Variants in HDAC4 observed in about 807,000 individuals in gnomAD.
The protein encoded by HDAC4 is histone deacetylase 4.
In HDAC4, 16 loss-of-function variants were observed where a neutral mutation model predicts 135.1. That is an observed-to-expected ratio of 0.12 (90% CI 0.08 to 0.18). The LOEUF (loss-of-function observed/expected upper bound fraction) is 0.18. Ranked by LOEUF, HDAC4 falls within the 10% of genes least tolerant of loss-of-function variation. HDAC4 has a pLI of 1.00. For missense variants in HDAC4, 1,143 were observed against 1,511.8 expected (o/e 0.76, Z 4.05); for synonymous variants, 685 against 653.4 (o/e 1.05, Z -0.74).
At chr2:239,276,280 G>A (rs767804671) in intron 2 of HDAC4, among the ~76,000 whole-genome samples, 11 of 152,368 alleles carry the variant, frequency 7.2e-5, no homozygotes, top group Non-Finnish European at 1.3e-4. Flanking sequence ...GTATGCCTTG[G>A]AAGTGTTGAG....
chr2:239,307,425 C>T lies in HDAC4; in HGVS notation c.22+45253G>A, dbSNP rs546133079. Reference sequence around the variant, plus strand: ...GAGAGAGGGGCTTGAAGGATGGGTACCCCAAGCTGTCAAAAGACCAAGTGG... The same window carrying T: ...GAGAGAGGGGCTTGAAGGATGGGTATCCCAAGCTGTCAAAAGACCAAGTGG... On this transcript the variant is annotated intron_variant, in intron 2 of 26. Coordinates refer to ENST00000543185, the MANE Select transcript of HDAC4 (RefSeq NM_001378414.1). The surrounding 1 kb of genome is among the most constrained non-coding windows in gnomAD (Gnocchi z 4.8). 6.6e-6 allele frequency among the ~76,000 whole-genome samples: 1 copy of T among 152,108 alleles called. No individual in the cohort carries two copies. Among genetic ancestry groups the T allele is most frequent in the Non-Finnish European group, 1.5e-5 (1 of 68,022 alleles).
At chr2:239,084,465 GCACACACA>G (rs78087978) in intron 19 of HDAC4, among the ~76,000 whole-genome samples, 4 of 107,970 alleles carry the variant, frequency 3.7e-5, no homozygotes, top group Admixed American at 9.9e-5. Flanking sequence ...GCGTGCGCGC[GCACACACA>G]CACACACACA....
chr2:239,067,128 A>C, intron 23 of HDAC4: 1 of 543,554 alleles, frequency 1.8e-6, no homozygotes, highest in East Asian at 3.3e-5. Context: ...CCCCACCCAG[A>C]GGCTGCAGGC....
Position 239,111,637 on chromosome 2 carries a change from G to A in HDAC4, c.1867C>T (p.Pro623Ser), listed in dbSNP as rs147728592. The A allele has an allele frequency of 6.2e-7, 1 of 1,608,400 alleles. No individual in the cohort carries two copies. Among genetic ancestry groups the A allele is most frequent in the South Asian group, 1.1e-5 (1 of 90,078 alleles). Residue 623 changes from proline to serine, a missense_variant, in exon 14 of 27, where the codon CCC (proline) becomes TCC (serine). Pro to Ser is a moderately conservative substitution (Grantham distance 74). Around this residue, in one of 9 missense-constraint regions of HDAC4, gnomAD observed 196 missense variants for 210.7 expected, o/e 0.93. Transcript: ENST00000543185. ...YQASMEAAGIPVSFGGHRPLS... is the reference protein window; with the variant it reads ...YQASMEAAGISVSFGGHRPLS... ...GGCCTGTGGCCGCCGAAGGACACGGGGATGCCGGCGGCCTCCATGGACGCC... is the reference window on the plus strand; with the variant it reads ...GGCCTGTGGCCGCCGAAGGACACGGAGATGCCGGCGGCCTCCATGGACGCC...
At chr2:239,125,599 G>A (rs189149570) in intron 12 of HDAC4, among the ~76,000 whole-genome samples, 31 of 152,332 alleles carry the variant, frequency 2.0e-4, no homozygotes, top group African/African-American at 7.5e-4. Context: ...GCAGAGCTGT[G>A]GGGCCATGTG....
At position 239,054,406 on chromosome 2, in the gene HDAC4, G is replaced by A. The variant is rs564177102; in HGVS notation, c.3088+343C>T. 7.2e-5 allele frequency among the ~76,000 whole-genome samples: 11 copies of A among 152,176 alleles called. No individual in the cohort carries two copies. In the East Asian group the frequency reaches 1.2e-3, roughly 16 times the overall value. ...GCTTCTCTGGTCCAGGGAAGAGGCC[G>A]GAGTCCCCAGGGTACAGGCTCACAG... On this transcript the variant is annotated intron_variant, in intron 25 of 26. Transcript: ENST00000543185.
At chr2:239,170,431 A>G (rs2043377964) in intron 5 of HDAC4, among the ~76,000 whole-genome samples, 1 of 152,260 alleles carries the variant, frequency 6.6e-6, no homozygotes, top group Admixed American at 6.5e-5. Flanking sequence ...GAAAAACTTC[A>G]AATCTAGTGC....
chr2:239,264,991 C>T (rs1482651803), intron 2 of HDAC4, among the ~76,000 whole-genome samples: 1 of 152,218 alleles, frequency 6.6e-6, no homozygotes. Flanking sequence ...TGCCCCTCCC[C>T]CTGCAGAGCA....
In HDAC4 at chr2:239,048,589, A is replaced by AT. The variant is rs2030325257; in HGVS notation, c.*4507dup. On this transcript the variant is annotated 3_prime_UTR_variant, in exon 27 of 27. Coordinates refer to ENST00000543185, the MANE Select transcript of HDAC4 (RefSeq NM_001378414.1). The stretch of plus-strand genomic sequence containing the variant: ...GATAGATAGATAGATAGATAGATAG[A>AT]TAGATTATATATGTTTGTCATTCTC... 6.6e-6 allele frequency: 1 copy of AT among 151,922 alleles called. No individual in the cohort carries two copies. The allele number at this position is 151,922 out of a possible 1,614,324, so 9.4% of individuals were successfully genotyped here.
In HDAC4 at chr2:239,303,550, C is replaced by A. The variant is rs1183625410; in HGVS notation, c.22+49128G>T. 2.0e-5 allele frequency among the ~76,000 whole-genome samples: 3 copies of A among 152,144 alleles called. No individual in the cohort carries two copies. The highest frequency in any genetic ancestry group is 7.2e-5 in the African/African-American group (3 of 41,446). ...CTGTGGCTTGTTCTCCCTTAAGAAT[C>A]CTCTCATCAATGTTACGTTGTCAGC... On this transcript the variant is annotated intron_variant, in intron 2 of 26. Coordinates refer to ENST00000543185, the MANE Select transcript of HDAC4 (RefSeq NM_001378414.1). This position sits in a 1 kb window ranked among gnomAD's most constrained non-coding sequence, Gnocchi z 5.1.
chr2:239,344,465 G>C (rs867675578), intron 2 of HDAC4, among the ~76,000 whole-genome samples: 9 of 152,022 alleles, frequency 5.9e-5, no homozygotes, highest in Admixed American at 2.0e-4. Context: ...CATTGACAGC[G>C]AATTTTCTGA....
intron 2 of HDAC4, among the ~76,000 whole-genome samples, chr2:239,295,479 T>A (rs1268386683): frequency 6.6e-6 from 1 of 151,908 alleles, no homozygotes; most frequent in East Asian, 1.9e-4. Flanking sequence ...GAACCCAGGG[T>A]GACAGGACTA....
chr2:239,338,741 G>C (rs186365177), intron 2 of HDAC4, among the ~76,000 whole-genome samples: 1 of 152,292 alleles, frequency 6.6e-6, no homozygotes, highest in African/African-American at 2.4e-5. Context: ...ATGAGATTCT[G>C]AGCTCAGTCC....
In HDAC4 at chr2:239,163,857, A is replaced by G; in HGVS notation, c.557T>C (p.Leu186Pro). Residue 186 changes from leucine (L) to proline (P), a missense_variant, in exon 6 of 27, where the codon CTG (leucine) becomes CCG (proline). Around this residue, in one of 9 missense-constraint regions of HDAC4, gnomAD observed 247 missense variants for 310.0 expected, o/e 0.80. Transcript: ENST00000543185. ...GCAGTGGTTCAGATTCCGGTGGGCC[A>G]GCGCCTTCTTTTTATTGAGGACAAA... Reference protein sequence around the residue: ...QEFVLNKKKALAHRNLNHCIS... With the variant: ...QEFVLNKKKAPAHRNLNHCIS... The G allele has an allele frequency of 1.9e-6, 3 of 1,613,792 alleles. No individual in the cohort carries two copies. The highest frequency in any genetic ancestry group is 2.5e-6 in the Non-Finnish European group (3 of 1,179,688).
intron 22 of HDAC4, among the ~76,000 whole-genome samples, chr2:239,078,822 C>A (rs3791369): frequency 0.31 from 47,215 of 152,138 alleles, 7,639 homozygotes; most frequent in Admixed American, 0.44. Flanking sequence ...GCCGAAGGCA[C>A]CACTGAGAAA....
At chr2:239,264,683 G>A (rs2049605118) in intron 2 of HDAC4, among the ~76,000 whole-genome samples, 1 of 152,182 alleles carries the variant, frequency 6.6e-6, no homozygotes, top group African/African-American at 2.4e-5. Flanking sequence ...CAGCCTTCCT[G>A]GGTAGAAGCC....
Position 239,090,071 on chromosome 2 carries a change from C to T in HDAC4, c.2326G>A (p.Ala776Thr), listed in dbSNP as rs1257754084. The stretch of plus-strand genomic sequence containing the variant: ...ACCACGCAGCCCACAGCCAGGCGGG[C>T]TGCCCCCGCCGAGTGCACCTCGTTC... ...IWNEVHSAGAARLAVGCVVEL... is the reference protein window; with the variant it reads ...IWNEVHSAGATRLAVGCVVEL... The change falls in exon 18 of 27, where the codon GCC becomes ACC. Residue 776 changes from alanine (A) to threonine (T), a missense_variant. Around this residue, in one of 9 missense-constraint regions of HDAC4, gnomAD observed 49 missense variants for 55.6 expected, o/e 0.88. Coordinates refer to ENST00000543185, the MANE Select transcript of HDAC4 (RefSeq NM_001378414.1). 5.0e-6 allele frequency: 8 copies of T among 1,613,716 alleles called. No individual in the cohort carries two copies. The highest frequency in any genetic ancestry group is 6.8e-6 in the Non-Finnish European group (8 of 1,179,992).
intron 17 of HDAC4, chr2:239,094,132 G>A (rs957099208): frequency 2.0e-5 from 20 of 985,272 alleles, no homozygotes; most frequent in Non-Finnish European, 2.4e-5. Context: ...ACCGGCTCCC[G>A]TCCTCCCTGC....
At chr2:239,324,023 G>A (rs920060561) in intron 2 of HDAC4, among the ~76,000 whole-genome samples, 2 of 152,174 alleles carry the variant, frequency 1.3e-5, no homozygotes, top group Non-Finnish European at 2.9e-5. Flanking sequence ...GCTACGGTAT[G>A]CACTGATGAA....
Sources: gnomAD v4.1 joint callset for allele counts (sites outside exome capture counted in the v4.1 genomes callset) on GRCh38, gnomAD v4.1.1 for gene constraint, gnomAD v4.1.1 regional missense constraint, Gnocchi (gnomAD v3.1) non-coding constraint, MANE v1.5 for transcripts, NCBI Gene and HGNC (gene_info 2026-07-23, HGNC 2026-07-21) for gene names.